Variants in MC1R observed in about 807,000 individuals in gnomAD.
MC1R encodes melanocyte-stimulating hormone receptor.
For synonymous variants in MC1R, 263 were observed against 203.8 expected (o/e 1.29, Z -2.47); for missense variants, 542 against 430.0 (o/e 1.26, Z -2.30).
At position 89,918,944 on chromosome 16, in the gene MC1R, C is replaced by T. The variant is rs1184930506; in HGVS notation, c.-315C>T. The T allele has an allele frequency of 1.1e-5, 5 of 438,992 alleles. No homozygotes were observed. Among genetic ancestry groups the T allele is most frequent in the South Asian group, 3.4e-5 (1 of 29,498 alleles). 27.2% of individuals were successfully genotyped at this position (438,992 alleles called of 1,614,324 possible). ...GACGGTCCAGAGGTGTCGAAATGTC[C>T]TGGGGACCTGAGCAGCAGCCACCAG... is the stretch of plus-strand genomic sequence containing the variant. On this transcript the variant is annotated 5_prime_UTR_variant, in exon 1 of 1. Transcript: ENST00000555147.
rs1209087043 is a variant in MC1R, at chr16:89,919,664, G to T, written c.406G>T (p.Gly136Cys). 1.3e-5 allele frequency: 21 copies of T among 1,606,346 alleles called. No homozygotes were observed. Among genetic ancestry groups the T allele is most frequent in the Non-Finnish European group, 1.8e-5 (21 of 1,179,528 alleles). ...CATGCTGTCCAGCCTCTGCTTCCTG[G>T]GCGCCATCGCCGTGGACCGCTACAT... is the stretch of plus-strand genomic sequence containing the variant. ...SSMLSSLCFL[G>C]AIAVDRYISI... The change falls in exon 1 of 1, where the codon GGC becomes TGC. Residue 136 changes from glycine to cysteine, a missense_variant. Coordinates refer to ENST00000555147, the MANE Select transcript of MC1R (RefSeq NM_002386.4).
chr16:89,919,600 G>A lies in MC1R; in HGVS notation c.342G>A (p.Gln114=), dbSNP rs1291656498. Residue 114 remains glutamine, a synonymous_variant, in exon 1 of 1, where the codon CAG becomes CAA. Transcript: ENST00000555147. ...GALVARAAVL[Q]QLDNVIDVIT... The stretch of plus-strand genomic sequence containing the variant: ...TGGTGGCCCGGGCTGCGGTGCTGCA[G>A]CAGCTGGACAATGTCATTGACGTGA... 6.2e-7 allele frequency: 1 copy of A among 1,609,190 alleles called. No individual in the cohort carries two copies. Among genetic ancestry groups the A allele is most frequent in the Non-Finnish European group, 8.5e-7 (1 of 1,179,784 alleles).
Position 89,919,138 on chromosome 16 carries a change from A to C in MC1R, c.-121A>C. The C allele has an allele frequency of 1.5e-6, 1 of 685,790 alleles. No homozygotes were observed. Among genetic ancestry groups the C allele is most frequent in the South Asian group, 2.0e-5 (1 of 51,082 alleles). 42.5% of individuals were successfully genotyped at this position (685,790 alleles called of 1,614,324 possible). A position where few individuals can be genotyped will look rare whatever the true frequency, so the allele number is the denominator to read the frequency against. ...TGGGGGTGCCCAGATGGAAGGAGGC[A>C]GGCATGGGGGACACCCAAGGCCCCC... On this transcript the variant is annotated 5_prime_UTR_variant, in exon 1 of 1. Transcript: ENST00000555147.
rs754405679 is a variant in MC1R at position 89,920,169 on chromosome 16, A to T, written c.911A>T (p.Glu304Val). Residue 304 changes from glutamate (E) to valine (V), a missense_variant, in exon 1 of 1, where the codon GAG becomes GTG. Transcript: ENST00000555147. ...DPLIYAFHSQ[E>V]LRRTLKEVLT... Reference sequence around the variant, plus strand: ...CTCATCTACGCCTTCCACAGCCAGGAGCTCCGCAGGACGCTCAAGGAGGTG... The same window carrying T: ...CTCATCTACGCCTTCCACAGCCAGGTGCTCCGCAGGACGCTCAAGGAGGTG... 10 of 1,613,978 alleles carry T rather than the reference A, an allele frequency of 6.2e-6. No homozygotes were observed. Among genetic ancestry groups the T allele is most frequent in the Non-Finnish European group, 8.5e-6 (10 of 1,179,884 alleles).
rs886052502 is a variant in MC1R, at chr16:89,919,158, G to A, written c.-101G>A. 1.2e-5 allele frequency: 10 copies of A among 815,926 alleles called. No homozygotes were observed. In the East Asian group the frequency reaches 2.2e-4, roughly 18 times the overall value. The allele number at this position is 815,926 out of a possible 1,614,324, so 50.5% of individuals were successfully genotyped here. On this transcript the variant is annotated 5_prime_UTR_variant, in exon 1 of 1. Transcript: ENST00000555147. ...GAGGCAGGCATGGGGGACACCCAAG[G>A]CCCCCTGGCAGCACCATGAACTAAG...
Position 89,919,750 on chromosome 16 carries a change from C to G in MC1R, c.492C>G (p.Ala164=). 6.2e-7 allele frequency: 1 copy of G among 1,608,234 alleles called. No individual in the cohort carries two copies. Among genetic ancestry groups the G allele is most frequent in the Non-Finnish European group, 8.5e-7 (1 of 1,179,824 alleles). Residue 164 remains alanine, a synonymous_variant, in exon 1 of 1, where the codon GCC becomes GCG. Transcript: ENST00000555147. The stretch of plus-strand genomic sequence containing the variant: ...TGACCCTGCCGCGGGCGCGGCGAGC[C>G]GTTGCGGCCATCTGGGTGGCCAGTG... ...SIVTLPRARR[A]VAAIWVASVV... is the part of the protein sequence containing the mutation.
At position 89,920,671 on chromosome 16, in the gene MC1R, C is replaced by T; in HGVS notation, c.*459C>T. The T allele has an allele frequency of 1.4e-6, 1 of 716,982 alleles. No homozygotes were observed. The allele number at this position is 716,982 out of a possible 1,614,324, so 44.4% of individuals were successfully genotyped here. The stretch of plus-strand genomic sequence containing the variant: ...GCCAAGAGCTACTCCCACAGCAGCC[C>T]CAGGAGAAGGGGCTTTGTGACCAGA... On this transcript the variant is annotated 3_prime_UTR_variant, in exon 1 of 1. Transcript: ENST00000555147.
rs746774948 is a variant in MC1R at position 89,919,308 on chromosome 16, C to A, written c.50C>A (p.Thr17Asn). Residue 17 changes from threonine (T) to asparagine (N), a missense_variant, in exon 1 of 1, where the codon ACC becomes AAC. Transcript: ENST00000555147. ...QRRLLGSLNS[T>N]PTAIPQLGLA... ...AGACTTCTGGGCTCCCTCAACTCCACCCCCACAGCCATCCCCCAGCTGGGG... is the reference window on the plus strand; with the variant it reads ...AGACTTCTGGGCTCCCTCAACTCCAACCCCACAGCCATCCCCCAGCTGGGG... The A allele has an allele frequency of 4.3e-6, 7 of 1,610,018 alleles. No individual in the cohort carries two copies. The Admixed American group carries it at 1.2e-4, about 27-fold the overall frequency.
At position 89,920,048 on chromosome 16, in the gene MC1R, A is replaced by G. The variant is rs1044424142; in HGVS notation, c.790A>G (p.Ile264Val). Reference protein sequence around the residue: ...WGPFFLHLTLIVLCPEHPTCG... With the variant: ...WGPFFLHLTLVVLCPEHPTCG... ...CCCCTTCTTCCTGCATCTCACACTC[A>G]TCGTCCTCTGCCCCGAGCACCCCAC... is the stretch of plus-strand genomic sequence containing the variant. The change falls in exon 1 of 1, where the codon ATC (isoleucine) becomes GTC (valine). Residue 264 changes from isoleucine (I) to valine (V), a missense_variant. Transcript: ENST00000555147. The G allele has an allele frequency of 6.2e-7, 1 of 1,613,680 alleles. No homozygotes were observed. The highest frequency in any genetic ancestry group is 8.5e-7 in the Non-Finnish European group (1 of 1,179,860).
chr16:89,920,182 G>A lies in MC1R; in HGVS notation c.924G>A (p.Thr308=), dbSNP rs748972076. The A allele has an allele frequency of 3.7e-6, 6 of 1,613,822 alleles. No individual in the cohort carries two copies. The highest frequency in any genetic ancestry group is 1.3e-5 in the African/African-American group (1 of 74,928). The change falls in exon 1 of 1, where the codon ACG becomes ACA. Residue 308 remains threonine, a synonymous_variant. Coordinates refer to ENST00000555147, the MANE Select transcript of MC1R (RefSeq NM_002386.4). ...YAFHSQELRR[T]LKEVLTCSW is the part of the protein sequence containing the mutation. Reference sequence around the variant, plus strand: ...TCCACAGCCAGGAGCTCCGCAGGACGCTCAAGGAGGTGCTGACATGCTCCT... The same window carrying A: ...TCCACAGCCAGGAGCTCCGCAGGACACTCAAGGAGGTGCTGACATGCTCCT...
Position 89,919,585 on chromosome 16 carries a change from G to T in MC1R, c.327G>T (p.Arg109=). Residue 109 remains arginine (R), a synonymous_variant, in exon 1 of 1, where the codon CGG becomes CGT. Transcript: ENST00000555147. ...LLLEAGALVA[R]AAVLQQLDNV... ...TGGAGGCCGGTGCACTGGTGGCCCG[G>T]GCTGCGGTGCTGCAGCAGCTGGACA... The T allele has an allele frequency of 6.2e-7, 1 of 1,610,392 alleles. No homozygotes were observed. The highest frequency in any genetic ancestry group is 8.5e-7 in the Non-Finnish European group (1 of 1,179,766).
In MC1R at chr16:89,919,914, A is replaced by C. The variant is rs963705521; in HGVS notation, c.656A>C (p.Gln219Pro). The stretch of plus-strand genomic sequence containing the variant: ...CTGGCCCGGGCCTGCCAGCACGCCC[A>C]GGGCATCGCCCGGCTCCACAAGAGG... Reference protein sequence around the residue: ...HMLARACQHAQGIARLHKRQR... With the variant: ...HMLARACQHAPGIARLHKRQR... Residue 219 changes from glutamine (Q) to proline (P), a missense_variant, in exon 1 of 1, where the codon CAG becomes CCG. By Grantham distance (76) the Gln-to-Pro change is moderately conservative (BLOSUM62 -1). Transcript: ENST00000555147. 1 of 1,608,828 alleles carries C rather than the reference A, an allele frequency of 6.2e-7. No homozygotes were observed. Among genetic ancestry groups the C allele is most frequent in the Non-Finnish European group, 8.5e-7 (1 of 1,179,784 alleles).
In MC1R at chr16:89,920,941, G is replaced by C; in HGVS notation, c.*729G>C. The stretch of plus-strand genomic sequence containing the variant: ...TGCCTGTGAGCATGGGGCCAGGAAA[G>C]TCTGGTAATAAATGTGACTCAGCAT... On this transcript the variant is annotated 3_prime_UTR_variant, in exon 1 of 1. Coordinates refer to ENST00000555147, the MANE Select transcript of MC1R (RefSeq NM_002386.4). 1 of 542,600 alleles carries C rather than the reference G, an allele frequency of 1.8e-6. No individual in the cohort carries two copies. Among genetic ancestry groups the C allele is most frequent in the Non-Finnish European group, 3.3e-6 (1 of 299,502 alleles). The allele number at this position is 542,600 out of a possible 1,614,324, so 33.6% of individuals were successfully genotyped here. A position where few individuals can be genotyped will look rare whatever the true frequency, so the allele number is the denominator to read the frequency against.
In MC1R at chr16:89,919,610, A is replaced by G; in HGVS notation, c.352A>G (p.Asn118Asp). 1 of 1,608,382 alleles carries G rather than the reference A, an allele frequency of 6.2e-7. No homozygotes were observed. Among genetic ancestry groups the G allele is most frequent in the Non-Finnish European group, 8.5e-7 (1 of 1,179,762 alleles). The change falls in exon 1 of 1, where the codon AAT (asparagine) becomes GAT (aspartate). Residue 118 changes from asparagine to aspartate, a missense_variant. Coordinates refer to ENST00000555147, the MANE Select transcript of MC1R (RefSeq NM_002386.4). Reference sequence around the variant, plus strand: ...GGCTGCGGTGCTGCAGCAGCTGGACAATGTCATTGACGTGATCACCTGCAG... The same window carrying G: ...GGCTGCGGTGCTGCAGCAGCTGGACGATGTCATTGACGTGATCACCTGCAG... ...ARAAVLQQLD[N>D]VIDVITCSSM...
Position 89,919,489 on chromosome 16 carries a change from C to A in MC1R, c.231C>A (p.Ile77=). 2 of 1,613,314 alleles carry A rather than the reference C, an allele frequency of 1.2e-6. No homozygotes were observed. Among genetic ancestry groups the A allele is most frequent in the Non-Finnish European group, 1.7e-6 (2 of 1,179,838 alleles). Residue 77 remains isoleucine, a synonymous_variant, in exon 1 of 1, where the codon ATC becomes ATA. Coordinates refer to ENST00000555147, the MANE Select transcript of MC1R (RefSeq NM_002386.4). The part of the protein sequence containing the change: ...RNLHSPMYCF[I]CCLALSDLLV... ...TGCACTCACCCATGTACTGCTTCAT[C>A]TGCTGCCTGGCCTTGTCGGACCTGC...
chr16:89,919,394 C>G lies in MC1R; in HGVS notation c.136C>G (p.Leu46Val), dbSNP rs775806791. ...LEVSISDGLF[L>V]SLGLVSLVEN... ...GGTGTCCATCTCTGACGGGCTCTTC[C>G]TCAGCCTGGGGCTGGTGAGCTTGGT... Residue 46 changes from leucine (L) to valine (V), a missense_variant, in exon 1 of 1, where the codon CTC becomes GTC. Coordinates refer to ENST00000555147, the MANE Select transcript of MC1R (RefSeq NM_002386.4). The G allele has an allele frequency of 6.2e-6, 10 of 1,613,238 alleles. No individual in the cohort carries two copies. Among genetic ancestry groups the G allele is most frequent in the Non-Finnish European group, 8.5e-7 (1 of 1,179,880 alleles).
chr16:89,920,824 A>G lies in MC1R; in HGVS notation c.*612A>G. The stretch of plus-strand genomic sequence containing the variant: ...CTGAGCCCTCCTGAGGGCCGGTTCT[A>G]AGGCTCAGACTGGGCACTGGGGCCT... On this transcript the variant is annotated 3_prime_UTR_variant, in exon 1 of 1. Coordinates refer to ENST00000555147, the MANE Select transcript of MC1R (RefSeq NM_002386.4). The G allele has an allele frequency of 1.6e-6, 1 of 618,670 alleles. No individual in the cohort carries two copies. Among genetic ancestry groups the G allele is most frequent in the South Asian group, 2.0e-5 (1 of 50,910 alleles). 38.3% of individuals were successfully genotyped at this position (618,670 alleles called of 1,614,324 possible).
Position 89,920,279 on chromosome 16 carries a change from T to G in MC1R, c.*67T>G. 1 of 1,355,054 alleles carries G rather than the reference T, an allele frequency of 7.4e-7. No homozygotes were observed. The highest frequency in any genetic ancestry group is 1.4e-5 in the African/African-American group (1 of 69,186). The allele number at this position is 1,355,054 out of a possible 1,614,324, so 83.9% of individuals were successfully genotyped here. On this transcript the variant is annotated 3_prime_UTR_variant, in exon 1 of 1. Transcript: ENST00000555147. The stretch of plus-strand genomic sequence containing the variant: ...TGGTGATATTGTGTGGTCTGGTTCC[T>G]GTGTGACCCTGGGCAGTTCCTTACC...
chr16:89,919,803 A>G lies in MC1R; in HGVS notation c.545A>G (p.Tyr182Cys), dbSNP rs753337030. 4 of 1,607,550 alleles carry G rather than the reference A, an allele frequency of 2.5e-6. No individual in the cohort carries two copies. In the African/African-American group the frequency reaches 4.0e-5, roughly 16 times the overall value. Residue 182 changes from tyrosine to cysteine, a missense_variant, in exon 1 of 1, where the codon TAC becomes TGC. Physicochemically the swap from Tyr to Cys is radical, Grantham distance 194. Transcript: ENST00000555147. ...SVVFSTLFIA[Y>C]YDHVAVLLCL... ...GTCTTCAGCACGCTCTTCATCGCCT[A>G]CTACGACCACGTGGCCGTCCTGCTG...
Sources: gnomAD v4.1 joint callset for allele counts on GRCh38, gnomAD v4.1.1 for gene constraint, MANE v1.5 for transcripts, NCBI Gene and HGNC (gene_info 2026-07-23, HGNC 2026-07-21) for gene names.